PPP1R16B: variants seen among roughly 807,000 people sequenced by gnomAD.
The protein encoded by PPP1R16B is protein phosphatase 1 regulatory inhibitor subunit 16B.
In PPP1R16B, 14 loss-of-function variants were observed where a neutral mutation model predicts 61.7. The ratio of observed to expected loss-of-function variants is 0.23; its 90% CI spans 0.15 to 0.35. The LOEUF (loss-of-function observed/expected upper bound fraction) is 0.35. Ranked by LOEUF, PPP1R16B falls within the 10% of genes least tolerant of loss-of-function variation. The pLI is 1.00. For missense variants in PPP1R16B, 547 were observed against 752.5 expected, an observed-to-expected ratio of 0.73 and a Z score of 3.19; for synonymous variants, 266 against 305.3, an observed-to-expected ratio of 0.87 and a Z score of 1.34.
intron 1 of PPP1R16B, among the ~76,000 whole-genome samples, chr20:38,813,927 G>C (rs540768681): frequency 6.6e-6 from 1 of 151,956 alleles, no homozygotes; most frequent in East Asian, 1.9e-4. Context: ...CTCCTGAGTA[G>C]CTGAGATTAC....
chr20:38,861,794 G>A (rs1481826173), intron 2 of PPP1R16B, among the ~76,000 whole-genome samples: 1 of 150,334 alleles, frequency 6.7e-6, no homozygotes. Flanking sequence ...CTCTTGCCTC[G>A]GCCTCCCGAG....
chr20:38,873,928 C>T (rs1420839545), intron 2 of PPP1R16B, among the ~76,000 whole-genome samples: 2 of 151,970 alleles, frequency 1.3e-5, no homozygotes, highest in African/African-American at 4.8e-5. Context: ...AGGGTTTCAC[C>T]ATGTTGGCCA....
At chr20:38,887,502 CA>C (rs2085254585) in intron 2 of PPP1R16B, among the ~76,000 whole-genome samples, 1 of 152,186 alleles carries the variant, frequency 6.6e-6, no homozygotes, top group South Asian at 2.1e-4. Context: ...CAATTTGTGA[CA>C]GAGCTAATTT....
chr20:38,859,371 A>T (rs994882253), intron 2 of PPP1R16B, among the ~76,000 whole-genome samples: 2 of 151,822 alleles, frequency 1.3e-5, no homozygotes, highest in South Asian at 4.2e-4. Context: ...ACTCTGTGCA[A>T]CCATCAAAGA....
intron 1 of PPP1R16B, among the ~76,000 whole-genome samples, chr20:38,835,003 G>A (rs2084860350): frequency 6.6e-6 from 1 of 152,150 alleles, no homozygotes; most frequent in Non-Finnish European, 1.5e-5. Flanking sequence ...ATAGCTTTGG[G>A]AACCACTGTA....
At chr20:38,867,056 T>C (rs541716788) in intron 2 of PPP1R16B, among the ~76,000 whole-genome samples, 1 of 152,246 alleles carries the variant, frequency 6.6e-6, no homozygotes, top group Admixed American at 6.5e-5. Context: ...TTTTTCGGGT[T>C]CATCCACGCT....
At chr20:38,809,700 C>A (rs1243662211) in intron 1 of PPP1R16B, among the ~76,000 whole-genome samples, 1 of 152,110 alleles carries the variant, frequency 6.6e-6, no homozygotes, top group Non-Finnish European at 1.5e-5. Context: ...CTAGCTTGGA[C>A]CAGGTGCGGT....
intron 10 of PPP1R16B, among the ~76,000 whole-genome samples, chr20:38,909,011 G>C (rs1013422499): frequency 6.6e-6 from 1 of 151,582 alleles, no homozygotes; most frequent in Non-Finnish European, 1.5e-5. Context: ...TATTTTATTG[G>C]TTTTTTTTGA....
At chr20:38,889,227 A>G (rs1371789175) in intron 2 of PPP1R16B, among the ~76,000 whole-genome samples, 1 of 152,182 alleles carries the variant, frequency 6.6e-6, no homozygotes, top group Non-Finnish European at 1.5e-5. Flanking sequence ...TGAGGCACAG[A>G]GAAGGAAGTG....
chr20:38,920,008 G>A lies in PPP1R16B; in HGVS notation c.*1342G>A, dbSNP rs1293177604. On this transcript the variant is annotated 3_prime_UTR_variant, in exon 11 of 11. Coordinates refer to ENST00000299824, the MANE Select transcript of PPP1R16B (RefSeq NM_015568.4). ...GCTCCCAGCCTGCACTTGCAGGAGT[G>A]GTGATGCCCCAAGTCTGCGAATCCA... is the stretch of plus-strand genomic sequence containing the variant. The A allele has an allele frequency of 2.0e-5, 3 of 152,296 alleles. No homozygotes were observed. The highest frequency in any genetic ancestry group is 4.8e-5 in the African/African-American group (2 of 41,466). 9.4% of individuals were successfully genotyped at this position (152,296 alleles called of 1,614,324 possible).
intron 2 of PPP1R16B, among the ~76,000 whole-genome samples, chr20:38,876,576 A>T (rs2085169102): frequency 6.6e-6 from 1 of 151,570 alleles, no homozygotes; most frequent in Admixed American, 6.6e-5. Flanking sequence ...GCTTGCAAGC[A>T]GTATAAAATT....
At chr20:38,853,912 T>C (rs537188376) in intron 2 of PPP1R16B, among the ~76,000 whole-genome samples, 12 of 152,322 alleles carry the variant, frequency 7.9e-5, no homozygotes, top group Admixed American at 7.8e-4. Flanking sequence ...TATCCAGCCT[T>C]TGCCTGCATC....
chr20:38,911,508 A>C (rs1369705864), intron 10 of PPP1R16B, among the ~76,000 whole-genome samples: 3 of 150,362 alleles, frequency 2.0e-5, no homozygotes, highest in African/African-American at 7.3e-5. Flanking sequence ...GATTGTTTGA[A>C]TATTAAAATT....
rs1364801029 is a variant in PPP1R16B, at chr20:38,910,539, G to GT, written c.1194+2358dup. ...TGGCATATAGCAGTAGTTTTTTTTT[G>GT]TTTTTTTTTTTTGAGACAGGAGTTC... is the stretch of plus-strand genomic sequence containing the variant. On this transcript the variant is annotated intron_variant, in intron 10 of 10. Coordinates refer to ENST00000299824, the MANE Select transcript of PPP1R16B (RefSeq NM_015568.4). Among the ~76,000 whole-genome samples, 962 of 106,906 alleles carry GT rather than the reference G, an allele frequency of 9.0e-3. 10 individuals are homozygous for GT. The highest frequency in any genetic ancestry group is 0.028 in the East Asian group (108 of 3,826). The allele number at this position is 106,906 out of a possible 152,430, so 70.1% of individuals were successfully genotyped here. A position where few individuals can be genotyped will look rare whatever the true frequency, so the allele number is the denominator to read the frequency against.
chr20:38,922,696 G>A lies in PPP1R16B; in HGVS notation c.*4030G>A, dbSNP rs950728205. On this transcript the variant is annotated 3_prime_UTR_variant, in exon 11 of 11. Coordinates refer to ENST00000299824, the MANE Select transcript of PPP1R16B (RefSeq NM_015568.4). ...AGACCAGAAGCCACTGGTGTACAGA[G>A]AACACTTAAAAAAATGTATTTTATG... The A allele has an allele frequency of 3.3e-5, 5 of 152,536 alleles. No individual in the cohort carries two copies. The highest frequency in any genetic ancestry group is 9.7e-5 in the African/African-American group (4 of 41,424). The allele number at this position is 152,536 out of a possible 1,614,324, so 9.4% of individuals were successfully genotyped here.
intron 1 of PPP1R16B, among the ~76,000 whole-genome samples, chr20:38,811,847 C>T (rs145091836): frequency 1.3e-5 from 2 of 152,252 alleles, no homozygotes; most frequent in East Asian, 3.9e-4. Context: ...TGATCTGATC[C>T]CAAATATCAA....
At chr20:38,882,246 G>T (rs2085208448) in intron 2 of PPP1R16B, among the ~76,000 whole-genome samples, 1 of 152,198 alleles carries the variant, frequency 6.6e-6, no homozygotes. Context: ...TATCCAGCCT[G>T]CAGAGGGGGA....
chr20:38,835,792 A>C, intron 1 of PPP1R16B, 33 bp from the exon 2 acceptor site: 1 of 1,085,742 alleles, frequency 9.2e-7, no homozygotes, highest in Non-Finnish European at 1.3e-6. Flanking sequence ...AGTCTGACAC[A>C]TGTGTTCATC....
At chr20:38,862,657 G>A (rs989083417) in intron 2 of PPP1R16B, among the ~76,000 whole-genome samples, 86 of 152,186 alleles carry the variant, frequency 5.7e-4, no homozygotes, top group African/African-American at 2.1e-3. Context: ...GTCAGAGTCA[G>A]GAATAAGCAG....
Sources: gnomAD v4.1 joint callset for allele counts (sites outside exome capture counted in the v4.1 genomes callset) on GRCh38, gnomAD v4.1.1 for gene constraint, MANE v1.5 for transcripts, NCBI Gene and HGNC (gene_info 2026-07-23, HGNC 2026-07-21) for gene names.